STK39: variants seen among roughly 807,000 people sequenced by gnomAD.
STK39 encodes the protein STE20/SPS1-related proline-alanine-rich protein kinase.
STK39 carries 20 observed loss-of-function variants against 77.8 expected under a neutral mutation model. The observed-to-expected ratio is 0.26, with a 90% CI of 0.18 to 0.37. The LOEUF (loss-of-function observed/expected upper bound fraction) is 0.37. Among genes scored for constraint, STK39 ranks in the 10% least tolerant of loss-of-function variants. The probability of loss-of-function intolerance (pLI) is 1.00; values close to 1 mark genes in which losing one functional copy is unlikely to be tolerated. For synonymous variants in STK39, 246 were observed against 234.1 expected (o/e 1.05, Z -0.47); for missense variants, 479 against 656.5 (o/e 0.73, Z 2.95).
chr2:168,011,869 G>A (rs902139688), intron 16 of STK39, among the ~76,000 whole-genome samples: 5 of 152,086 alleles, frequency 3.3e-5, no homozygotes, highest in Non-Finnish European at 5.9e-5. Context: ...TGAAAGAACC[G>A]GCCTGAATGA....
intron 14 of STK39, among the ~76,000 whole-genome samples, chr2:168,017,827 T>C (rs1684454557): frequency 6.6e-6 from 1 of 152,190 alleles, no homozygotes; most frequent in Non-Finnish European, 1.5e-5. Flanking sequence ...CACTACACAT[T>C]AAATCATGTA....
At chr2:167,956,431 C>T (rs143063259) in intron 17 of STK39, among the ~76,000 whole-genome samples, 1 of 151,998 alleles carries the variant, frequency 6.6e-6, no homozygotes, top group South Asian at 2.1e-4. Flanking sequence ...GTGGCACACA[C>T]CTGTAGTGCC....
intron 17 of STK39, among the ~76,000 whole-genome samples, chr2:167,958,904 CAT>C (rs1382556019): frequency 1.3e-5 from 2 of 152,166 alleles, no homozygotes; most frequent in Non-Finnish European, 2.9e-5. Flanking sequence ...TAAATGTTGA[CAT>C]GTTTCATTAT....
intron 10 of STK39, among the ~76,000 whole-genome samples, chr2:168,104,555 G>T (rs1054576556): frequency 6.6e-6 from 1 of 152,160 alleles, no homozygotes; most frequent in Non-Finnish European, 1.5e-5. Context: ...ATGCTTAGGG[G>T]TGGGTAGGAT....
At chr2:168,092,833 C>T (rs1686560516) in intron 10 of STK39, among the ~76,000 whole-genome samples, 1 of 152,144 alleles carries the variant, frequency 6.6e-6, no homozygotes, top group Non-Finnish European at 1.5e-5. Context: ...AGCAGAAGGG[C>T]AAAAGGCACT....
At chr2:167,967,956 CCCT>C (rs1305793546) in intron 16 of STK39, among the ~76,000 whole-genome samples, 1 of 147,444 alleles carries the variant, frequency 6.8e-6, no homozygotes, top group Non-Finnish European at 1.5e-5. Context: ...TCTTCTTCCC[CCCT>C]CAAGTAGGCC....
At position 168,141,728 on chromosome 2, in the gene STK39, A is replaced by G. The variant is rs75294836; in HGVS notation, c.629-970T>C. 1.7e-4 allele frequency among the ~76,000 whole-genome samples: 26 copies of G among 152,336 alleles called. No individual in the cohort carries two copies. In the East Asian group the frequency reaches 5.0e-3, roughly 29 times the overall value. ...ATCAAAACACCACAGCGCAATGTGC[A>G]GTCTGAGCCCCTGCAAATCGCTCTC... On this transcript the variant is annotated intron_variant, in intron 5 of 17. Coordinates refer to ENST00000355999, the MANE Select transcript of STK39 (RefSeq NM_013233.3).
chr2:168,039,194 A>C (rs1166149034), intron 14 of STK39, among the ~76,000 whole-genome samples: 1 of 152,218 alleles, frequency 6.6e-6, no homozygotes, highest in Non-Finnish European at 1.5e-5. Context: ...TCTTTAATCA[A>C]AGGGAATGCA....
intron 15 of STK39, among the ~76,000 whole-genome samples, chr2:168,015,944 T>G (rs1684391894): frequency 6.6e-6 from 1 of 152,180 alleles, no homozygotes; most frequent in Non-Finnish European, 1.5e-5. Context: ...CATTTATTTA[T>G]TCAGACAAAG....
Position 168,192,531 on chromosome 2 carries a change from A to C in STK39, c.209-10441T>G, listed in dbSNP as rs1031677254. ...TCCAAACCCCGCCCCATTCCACCCC[A>C]ATCTACTTCCTCTGGATTGAGTGAT... On this transcript the variant is annotated intron_variant, in intron 1 of 17. Coordinates refer to ENST00000355999, the MANE Select transcript of STK39 (RefSeq NM_013233.3). Among the ~76,000 whole-genome samples, 3 of 152,196 alleles carry C rather than the reference A, an allele frequency of 2.0e-5. No individual in the cohort carries two copies. The Middle Eastern group carries it at 0.01, about 518-fold the overall frequency.
intron 10 of STK39, among the ~76,000 whole-genome samples, chr2:168,117,941 T>C (rs1444519302): frequency 1.3e-5 from 2 of 152,110 alleles, no homozygotes; most frequent in Non-Finnish European, 2.9e-5. Flanking sequence ...TAGTAGAGTT[T>C]TGACAAGATC....
chr2:168,139,534 C>A (rs576204473), intron 7 of STK39, among the ~76,000 whole-genome samples: 73 of 152,032 alleles, frequency 4.8e-4, no homozygotes, highest in African/African-American at 1.8e-3. Flanking sequence ...AAACTTTCTA[C>A]AATATGAGTA....
chr2:168,195,426 C>T (rs967580592), intron 1 of STK39, among the ~76,000 whole-genome samples: 1 of 152,030 alleles, frequency 6.6e-6, no homozygotes, highest in African/African-American at 2.4e-5. Context: ...AAGACAGTTA[C>T]CTACCATTGA....
chr2:168,100,644 T>G (rs1462980695), intron 10 of STK39, among the ~76,000 whole-genome samples: 2 of 152,060 alleles, frequency 1.3e-5, no homozygotes, highest in African/African-American at 4.8e-5. Context: ...ACCTACAGAA[T>G]GGGAGAAAAT....
intron 16 of STK39, among the ~76,000 whole-genome samples, chr2:168,003,459 T>C (rs562579541): frequency 6.6e-6 from 1 of 152,338 alleles, no homozygotes; most frequent in East Asian, 1.9e-4. Flanking sequence ...AGGGAATAAA[T>C]ATTATACCTC....
At chr2:168,065,286 A>C (rs752192057) in intron 13 of STK39, 33 bp downstream of exon 13, 2 of 1,611,156 alleles carry the variant, frequency 1.2e-6, no homozygotes, top group Admixed American at 1.7e-5. Flanking sequence ...TCTACAAAGC[A>C]CCTCAAACGG....
chr2:168,012,973 G>T (rs1366180102), intron 15 of STK39, among the ~76,000 whole-genome samples: 1 of 152,212 alleles, frequency 6.6e-6, no homozygotes, highest in East Asian at 1.9e-4. Flanking sequence ...GCTACTATCT[G>T]AATTAATCTT....
chr2:168,130,320 C>T (rs1687647418), intron 8 of STK39, among the ~76,000 whole-genome samples: 1 of 152,184 alleles, frequency 6.6e-6, no homozygotes, highest in African/African-American at 2.4e-5. Context: ...AGAAGCATTA[C>T]CAGATGGTGT....
intron 12 of STK39, among the ~76,000 whole-genome samples, chr2:168,069,332 C>T (rs1273898942): frequency 6.6e-6 from 1 of 152,196 alleles, no homozygotes; most frequent in Non-Finnish European, 1.5e-5. Flanking sequence ...ATAAAATTAA[C>T]TCAATTTAAA....
Sources: allele counts gnomAD v4.1 joint callset (sites outside exome capture counted in the v4.1 genomes callset), GRCh38; gene constraint gnomAD v4.1.1; transcripts MANE v1.5; gene names NCBI Gene and HGNC (gene_info 2026-07-23, HGNC 2026-07-21).